WFDC5: variants seen among roughly 807,000 people sequenced by gnomAD.
The protein encoded by WFDC5 is WAP four-disulfide core domain 5, also known as WAP four-disulfide core domain protein 5.
Under a neutral mutation model 15.7 loss-of-function variants are expected in WFDC5, and 15 were observed. That is an observed-to-expected ratio of 0.96 (90% CI 0.64 to 1.47). The LOEUF (loss-of-function observed/expected upper bound fraction) is 1.47. Ranked by LOEUF, WFDC5 falls within the 40% of genes most tolerant of loss-of-function variation. The pLI, the probability that WFDC5 is intolerant of heterozygous loss-of-function variation, is 0.00. For missense variants in WFDC5, 280 were observed against 258.0 expected (o/e 1.09, Z -0.59); for synonymous variants, 109 against 107.7 (o/e 1.01, Z -0.07).
Position 45,114,461 on chromosome 20 carries a change from C to G in WFDC5, c.85+538G>C, listed in dbSNP as rs146367769. On this transcript the variant is annotated intron_variant, in intron 1 of 3. Coordinates refer to ENST00000307971, the Ensembl canonical transcript of WFDC5. ...CAGATCCCAGAAGCCACACCCTCTC[C>G]TCAATTCCCAAGTCCCTTCCACAGA... Among the ~76,000 whole-genome samples, 661 of 152,200 alleles carry G rather than the reference C, an allele frequency of 4.3e-3. 7 individuals are homozygous for G. The highest frequency in any genetic ancestry group is 0.015 in the African/African-American group (640 of 41,518).
exon 4 of WFDC5, chr20:45,109,655 T>C (rs1981552566): frequency 1.5e-6 from 1 of 673,730 alleles, no homozygotes; most frequent in Non-Finnish European, 2.8e-6. Flanking sequence ...TTGGGCTGCC[T>C]GAGGGAGAGG....
At chr20:45,109,911 G>C in exon 4 of WFDC5, 1 of 1,514,006 alleles carries the variant, frequency 6.6e-7, no homozygotes, top group Non-Finnish European at 9.2e-7. Flanking sequence ...CGCTGGTAGA[G>C]ATAGTGCTGT....
chr20:45,109,571 G>C (rs535485331), exon 4 of WFDC5: 1 of 609,964 alleles, frequency 1.6e-6, no homozygotes, highest in South Asian at 2.0e-5. Context: ...CTATTTTGTA[G>C]GTATGGTGAA....
At chr20:45,110,729 C>A (rs114264609) in exon 2 of WFDC5, 1 of 1,614,024 alleles carries the variant, frequency 6.2e-7, no homozygotes, top group African/African-American at 1.3e-5. Context: ...GGTCAGGCAC[C>A]GATAGGAGGC....
exon 4 of WFDC5, chr20:45,109,736 G>C (rs746660322): frequency 2.8e-5 from 20 of 718,016 alleles, no homozygotes; most frequent in Non-Finnish European, 4.9e-5. Context: ...AAAGCGTTAG[G>C]AAGGGTGGGA....
At chr20:45,112,174 G>A (rs1052805152) in intron 1 of WFDC5, among the ~76,000 whole-genome samples, 2 of 152,140 alleles carry the variant, frequency 1.3e-5, no homozygotes, top group Admixed American at 6.5e-5. Flanking sequence ...GGTGGTGGGG[G>A]TGATGGGAGG....
chr20:45,115,006 C>T (rs1318892532), exon 1 of WFDC5: 1 of 1,613,612 alleles, frequency 6.2e-7, no homozygotes, highest in African/African-American at 1.3e-5. Context: ...CACCTCCCTT[C>T]TTCCTGCCAA....
chr20:45,110,315 C>A (rs1043143027), intron 3 of WFDC5, 85 bp downstream of exon 3: 5 of 1,529,688 alleles, frequency 3.3e-6, no homozygotes, highest in Non-Finnish European at 4.4e-6. Context: ...GGGGAGGCAT[C>A]CTGTTAAGCT....
chr20:45,115,416 T>C (rs375509468), upstream of WFDC5, among the ~76,000 whole-genome samples: 8 of 152,320 alleles, frequency 5.3e-5, no homozygotes, highest in African/African-American at 1.9e-4. Flanking sequence ...TTGAGGCAGA[T>C]GCTTGCTATC....
At chr20:45,110,204 A>G (rs1981571396) in intron 3 of WFDC5, among the ~76,000 whole-genome samples, 191 bp from the exon 4 acceptor site, 1 of 152,102 alleles carries the variant, frequency 6.6e-6, no homozygotes, top group Non-Finnish European at 1.5e-5. Context: ...CAGCAAGCTC[A>G]AGAAGAGAAC....
At chr20:45,114,887 ACACGCG>A (rs2145528730) in intron 1 of WFDC5, 106 bp downstream of exon 1, 49 of 1,081,132 alleles carry the variant, frequency 4.5e-5, no homozygotes, top group Non-Finnish European at 5.9e-5. Flanking sequence ...ACGCACACAC[ACACGCG>A]CACACACACC....
At chr20:45,112,598 G>A (rs1368348902) in intron 1 of WFDC5, among the ~76,000 whole-genome samples, 3 of 152,144 alleles carry the variant, frequency 2.0e-5, no homozygotes, top group Non-Finnish European at 4.4e-5. Flanking sequence ...CCAGATGCAT[G>A]CGCCATGGGT....
chr20:45,115,092 T>A, exon 1 of WFDC5: 1 of 1,611,618 alleles, frequency 6.2e-7, no homozygotes, highest in Non-Finnish European at 8.5e-7. Flanking sequence ...ATATTTCTGC[T>A]GCCGGCTCAG....
chr20:45,114,551 C>T (rs1487248381), intron 1 of WFDC5, among the ~76,000 whole-genome samples: 1 of 152,104 alleles, frequency 6.6e-6, no homozygotes, highest in Non-Finnish European at 1.5e-5. Context: ...GGTCCCTCCC[C>T]ACACCTGAAG....
At chr20:45,113,393 A>C (rs1981673698) in intron 1 of WFDC5, among the ~76,000 whole-genome samples, 1 of 152,212 alleles carries the variant, frequency 6.6e-6, no homozygotes, top group South Asian at 2.1e-4. Flanking sequence ...GGGGAGAGAC[A>C]AGCTTGTCAC....
At chr20:45,111,075 AG>A (rs942991687) in intron 1 of WFDC5, among the ~76,000 whole-genome samples, 16 of 152,122 alleles carry the variant, frequency 1.1e-4, no homozygotes, top group African/African-American at 2.9e-4. Flanking sequence ...CCATCTCTCT[AG>A]CCCCATCCTC....
At chr20:45,113,089 C>G (rs1981664855) in intron 1 of WFDC5, among the ~76,000 whole-genome samples, 2 of 152,206 alleles carry the variant, frequency 1.3e-5, no homozygotes. Flanking sequence ...CAGAGCTACA[C>G]AGACACATAT....
chr20:45,110,633 A>G lies in WFDC5; in HGVS notation c.226+2T>C, dbSNP rs1445365367. The G allele has an allele frequency of 1.9e-6, 3 of 1,614,000 alleles. No homozygotes were observed. The East Asian group carries it at 6.7e-5, about 36-fold the overall frequency. On this transcript the variant is annotated splice_donor_variant, in intron 2 of 3. Coordinates refer to ENST00000307971, the Ensembl canonical transcript of WFDC5. LOFTEE classifies it high-confidence loss of function. ...TCAGCAAGGTGGAGGGGAGGCATTT[A>G]CCAGAGACCCTGGGGACACACTGGC... is the stretch of plus-strand genomic sequence containing the variant.
chr20:45,114,893 G>T (rs11700135), intron 1 of WFDC5, 106 bp downstream of exon 1: 2 of 1,119,526 alleles, frequency 1.8e-6, no homozygotes, highest in Non-Finnish European at 2.6e-6. Flanking sequence ...ACACACACGC[G>T]CACACACACC....
Sources: gnomAD v4.1 joint callset for allele counts (sites outside exome capture counted in the v4.1 genomes callset) on GRCh38, gnomAD v4.1.1 for gene constraint, MANE v1.5 for transcripts, NCBI Gene and HGNC (gene_info 2026-07-23, HGNC 2026-07-21) for gene names.